The following GUF1 variants were observed in gnomAD, a reference collection of about 807,000 sequenced individuals.
GUF1 encodes the protein GTP binding elongation factor GUF1, also known as translation factor GUF1, mitochondrial.
GUF1 carries 78 observed loss-of-function variants against 82.4 expected under a neutral mutation model. The observed-to-expected ratio is 0.95, with a 90% CI of 0.79 to 1.14. The LOEUF (loss-of-function observed/expected upper bound fraction) is 1.14. Ranked by LOEUF, GUF1 falls within the 50% of genes most tolerant of loss-of-function variation. The pLI is 0.00. For missense variants in GUF1, 814 were observed against 798.2 expected, an observed-to-expected ratio of 1.02 and a Z score of -0.24; for synonymous variants, 279 against 282.3, an observed-to-expected ratio of 0.99 and a Z score of 0.12.
intron 11 of GUF1, among the ~76,000 whole-genome samples, chr4:44,690,425 A>C (rs12331055): frequency 0.53 from 79,629 of 151,474 alleles, 22,358 homozygotes; most frequent in Non-Finnish European, 0.64. Context: ...CAATCTGTTC[A>C]TTTTAAACAA....
rs962134896 is a variant in GUF1 at position 44,700,669 on chromosome 4, T to C, written c.*1988T>C. The stretch of plus-strand genomic sequence containing the variant: ...ACACCTTAACCCTGGGAAAATAAAC[T>C]TTCTAAACTGACTTGAGAGCTGTCT... On this transcript the variant is annotated 3_prime_UTR_variant, in exon 17 of 17. Transcript: ENST00000281543. 5 of 152,196 alleles carry C rather than the reference T, an allele frequency of 3.3e-5. No homozygotes were observed. Among genetic ancestry groups the C allele is most frequent in the Non-Finnish European group, 5.9e-5 (4 of 68,036 alleles). 9.4% of individuals were successfully genotyped at this position (152,196 alleles called of 1,614,324 possible).
chr4:44,691,754 T>C lies in GUF1; in HGVS notation c.1568T>C (p.Val523Ala), dbSNP rs890151492. ...KYLFPLNEIV[V>A]DFYDSLKSLS... Reference sequence around the variant, plus strand: ...CTCTTTCCTTTGAATGAAATTGTGGTAGATTTTTATGACTCTTTGAAATCC... The same window carrying C: ...CTCTTTCCTTTGAATGAAATTGTGGCAGATTTTTATGACTCTTTGAAATCC... The change falls in exon 13 of 17, where the codon GTA (valine) becomes GCA (alanine). Residue 523 changes from valine (V) to alanine (A), a missense_variant. Transcript: ENST00000281543. 1.3e-6 allele frequency: 2 copies of C among 1,592,556 alleles called. No homozygotes were observed. Among genetic ancestry groups the C allele is most frequent in the Admixed American group, 1.7e-5 (1 of 58,628 alleles).
intron 15 of GUF1, among the ~76,000 whole-genome samples, chr4:44,696,890 A>G (rs1429625319): frequency 6.6e-6 from 1 of 152,206 alleles, no homozygotes; most frequent in Non-Finnish European, 1.5e-5. Flanking sequence ...AGATGGAGCT[A>G]TTTTCAAAAT....
chr4:44,684,351 AT>A (rs1047069388), intron 6 of GUF1, among the ~76,000 whole-genome samples: 2 of 152,128 alleles, frequency 1.3e-5, no homozygotes, highest in African/African-American at 4.8e-5. Flanking sequence ...AGAAAAGAGC[AT>A]GTGTAAAGGA....
Position 44,678,491 on chromosome 4 carries a change from T to C in GUF1, c.-132T>C. On this transcript the variant is annotated 5_prime_UTR_variant, in exon 1 of 17. Coordinates refer to ENST00000281543, the MANE Select transcript of GUF1 (RefSeq NM_021927.3). ...GTACTTGGGCAGAGCTCCCCGGGGT[T>C]CATTGTCTTCGCTTCACAGGATCTG... is the stretch of plus-strand genomic sequence containing the variant. The C allele has an allele frequency of 2.8e-6, 2 of 723,926 alleles. No individual in the cohort carries two copies. The highest frequency in any genetic ancestry group is 4.0e-6 in the Non-Finnish European group (2 of 499,676). The allele number at this position is 723,926 out of a possible 1,614,324, so 44.8% of individuals were successfully genotyped here.
intron 16 of GUF1, 146 bp from the exon 17 acceptor site, chr4:44,698,398 T>A: frequency 1.8e-6 from 1 of 571,264 alleles, no homozygotes; most frequent in East Asian, 3.0e-5. Context: ...ACAGTAAAAT[T>A]AGATCTGCTA....
intron 6 of GUF1, among the ~76,000 whole-genome samples, chr4:44,685,324 CT>C (rs1714984405): frequency 6.6e-6 from 1 of 152,022 alleles, no homozygotes; most frequent in South Asian, 2.1e-4. Flanking sequence ...ACAGGACAGC[CT>C]CCCAAAACAA....
rs1190287000 is a variant in GUF1, at chr4:44,685,944, C to T, written c.670-15C>T. ...TAACTTTAAATGCTTATATTTTTCA[C>T]ATGTATCTTTTTAGATTTCTGCTAA... On this transcript the variant is annotated splice_polypyrimidine_tract_variant and intron_variant, in intron 6 of 16. Transcript: ENST00000281543. The T allele has an allele frequency of 6.4e-7, 1 of 1,561,176 alleles. No homozygotes were observed. The highest frequency in any genetic ancestry group is 1.7e-5 in the Admixed American group (1 of 59,638).
chr4:44,689,907 G>C lies in GUF1; in HGVS notation c.1267G>C (p.Ala423Pro). ...FNQRLEQEYN[A>P]SVILTTPTVP... ...CCAGCGACTGGAGCAAGAATATAAT[G>C]CTTCTGTTATTTTAACAACCCCTAC... is the stretch of plus-strand genomic sequence containing the variant. Residue 423 changes from alanine to proline, a missense_variant, in exon 11 of 17, where the codon GCT becomes CCT. Physicochemically the swap from Ala to Pro is conservative, Grantham distance 27. Coordinates refer to ENST00000281543, the MANE Select transcript of GUF1 (RefSeq NM_021927.3). 3 of 1,608,088 alleles carry C rather than the reference G, an allele frequency of 1.9e-6. No individual in the cohort carries two copies. Among genetic ancestry groups the C allele is most frequent in the Non-Finnish European group, 2.6e-6 (3 of 1,175,838 alleles).
At chr4:44,697,837 T>TA (rs1429615286) in intron 16 of GUF1, among the ~76,000 whole-genome samples, 1 of 152,140 alleles carries the variant, frequency 6.6e-6, no homozygotes, top group Non-Finnish European at 1.5e-5. Flanking sequence ...AGTTTGCTGT[T>TA]ATTCAGCTGT....
intron 14 of GUF1, among the ~76,000 whole-genome samples, chr4:44,695,093 C>T (rs368069461): frequency 4.2e-4 from 64 of 152,254 alleles, no homozygotes; most frequent in African/African-American, 1.4e-3. Context: ...CGTAAGCCAC[C>T]GCGCCCTTTT....
rs752306022 is a variant in GUF1, at chr4:44,685,947, G to T, written c.670-12G>T. The T allele has an allele frequency of 4.5e-6, 7 of 1,569,572 alleles. No individual in the cohort carries two copies. Among genetic ancestry groups the T allele is most frequent in the African/African-American group, 1.4e-5 (1 of 73,862 alleles). On this transcript the variant is annotated splice_polypyrimidine_tract_variant and intron_variant, in intron 6 of 16. Transcript: ENST00000281543. ...CTTTAAATGCTTATATTTTTCACAT[G>T]TATCTTTTTAGATTTCTGCTAAACT...
intron 11 of GUF1, among the ~76,000 whole-genome samples, chr4:44,690,380 A>G (rs1715355948): frequency 6.6e-6 from 1 of 151,832 alleles, no homozygotes; most frequent in African/African-American, 2.4e-5. Context: ...ATTTCAAATC[A>G]GTGATGAAGA....
chr4:44,682,301 T>G (rs565950469), intron 4 of GUF1, 33 bp from the exon 5 acceptor site: 2 of 1,205,496 alleles, frequency 1.7e-6, no homozygotes, highest in African/African-American at 3.1e-5. Context: ...AATAGAATGG[T>G]CATCTCAGTA....
intron 11 of GUF1, 24 bp downstream of exon 11, chr4:44,689,999 T>G: frequency 6.6e-7 from 1 of 1,512,570 alleles, no homozygotes; most frequent in Non-Finnish European, 8.9e-7. Context: ...AGTACTGGTA[T>G]TTAGTACTGT....
At position 44,680,791 on chromosome 4, in the gene GUF1, CTT is replaced by C. The variant is rs772180539; in HGVS notation, c.378_379del (p.Phe126LeufsTer4). The C allele has an allele frequency of 1.2e-6, 2 of 1,612,516 alleles. No homozygotes were observed. The highest frequency in any genetic ancestry group is 1.7e-6 in the Non-Finnish European group (2 of 1,178,992). ...CTGTTAAAGCACAGACAGCATCTCT[CTT>C]TTACAATTGTGAAGGAAAGCAGTAC... is the stretch of plus-strand genomic sequence containing the variant. ...ITVKAQTASL[F>X]YNCEGKQYLL... On this transcript the variant is annotated frameshift_variant, in exon 3 of 17. Coordinates refer to ENST00000281543, the MANE Select transcript of GUF1 (RefSeq NM_021927.3). LOFTEE classifies it high-confidence loss of function.
rs367613136 is a variant in GUF1, at chr4:44,697,378, T to G, written c.1836-30T>G. ...GCTTTTAAACAGTATAATGGAATTA[T>G]GTACTTAAACGAATTTTTCTCTTTT... On this transcript the variant is annotated intron_variant, in intron 15 of 16. Coordinates refer to ENST00000281543, the MANE Select transcript of GUF1 (RefSeq NM_021927.3). 4 of 1,475,620 alleles carry G rather than the reference T, an allele frequency of 2.7e-6. No individual in the cohort carries two copies. In the South Asian group the frequency reaches 3.7e-5, roughly 14 times the overall value. The allele number at this position is 1,475,620 out of a possible 1,614,324, so 91.4% of individuals were successfully genotyped here. A position where few individuals can be genotyped will look rare whatever the true frequency, so the allele number is the denominator to read the frequency against.
chr4:44,691,184 A>C (rs1324555669), intron 12 of GUF1, among the ~76,000 whole-genome samples: 3 of 151,662 alleles, frequency 2.0e-5, no homozygotes, highest in Non-Finnish European at 3.0e-5. Context: ...AGGGACCATA[A>C]ATTTGAAGGT....
chr4:44,688,195 TA>T (rs1560344607), intron 9 of GUF1, 49 bp downstream of exon 9: 13 of 1,554,484 alleles, frequency 8.4e-6, no homozygotes, highest in Admixed American at 2.0e-5. Flanking sequence ...ATTTTTAAAC[TA>T]AAAGTCTGTC....
Sources: allele counts gnomAD v4.1 joint callset (sites outside exome capture counted in the v4.1 genomes callset), GRCh38; gene constraint gnomAD v4.1.1; transcripts MANE v1.5; gene names NCBI Gene and HGNC (gene_info 2026-07-23, HGNC 2026-07-21).